The following TTC7B variants were observed in gnomAD, a reference collection of about 807,000 sequenced individuals.
TTC7B encodes tetratricopeptide repeat domain 7B.
A neutral mutation model predicts 106.8 loss-of-function variants in TTC7B; 28 were observed. That is an observed-to-expected ratio of 0.26 (90% confidence interval 0.19 to 0.36). The LOEUF (loss-of-function observed/expected upper bound fraction) is 0.36. TTC7B is among the 10% of genes least tolerant of loss of function. The pLI is 1.00. For missense variants in TTC7B, 862 were observed against 1,076.4 expected (o/e 0.80, Z 2.79); for synonymous variants, 405 against 430.6 (o/e 0.94, Z 0.74).
chr14:90,768,572 C>G (rs977889434), intron 3 of TTC7B, among the ~76,000 whole-genome samples: 3 of 152,154 alleles, frequency 2.0e-5, no homozygotes, highest in Non-Finnish European at 4.4e-5. Context: ...ACAGAGCAAA[C>G]CATATCAACC....
At chr14:90,683,617 A>G (rs1336364619) in intron 7 of TTC7B, among the ~76,000 whole-genome samples, 1 of 152,208 alleles carries the variant, frequency 6.6e-6, no homozygotes, top group Non-Finnish European at 1.5e-5. Context: ...GTCAATTCAT[A>G]TAGGTCAAAA....
At chr14:90,576,269 C>T (rs1039718914) in intron 19 of TTC7B, among the ~76,000 whole-genome samples, 29 of 151,990 alleles carry the variant, frequency 1.9e-4, no homozygotes, top group African/African-American at 6.3e-4. Flanking sequence ...TAGATGCTCT[C>T]AGCAAAAGCA....
intron 19 of TTC7B, among the ~76,000 whole-genome samples, chr14:90,547,037 A>T (rs994710042): frequency 6.6e-6 from 1 of 152,174 alleles, no homozygotes; most frequent in Non-Finnish European, 1.5e-5. Flanking sequence ...ATGCGCACAC[A>T]GACTTCCACC....
chr14:90,607,861 A>G (rs1892711343), intron 17 of TTC7B, among the ~76,000 whole-genome samples: 1 of 152,236 alleles, frequency 6.6e-6, no homozygotes, highest in Admixed American at 6.5e-5. Flanking sequence ...GGGGCAGAGG[A>G]AAGATACATA....
chr14:90,575,861 A>G lies in TTC7B; in HGVS notation c.2310+2245T>C, dbSNP rs1891243919. On this transcript the variant is annotated intron_variant, in intron 19 of 19. Coordinates refer to ENST00000328459, the MANE Select transcript of TTC7B (RefSeq NM_001010854.2). This position sits in a 1 kb window ranked among gnomAD's most constrained non-coding sequence, Gnocchi z 5.2. ...TCAGGATCCACGGAGAGAGGTTTTA[A>G]TAGTTTATTATGATGACCCCTCTCT... 1.3e-5 allele frequency among the ~76,000 whole-genome samples: 2 copies of G among 152,234 alleles called. No homozygotes were observed. Among genetic ancestry groups the G allele is most frequent in the South Asian group, 4.2e-4 (2 of 4,808 alleles).
At position 90,670,468 on chromosome 14, in the gene TTC7B, C is replaced by T. The variant is rs551077232; in HGVS notation, c.1152+6055G>A. On this transcript the variant is annotated intron_variant, in intron 9 of 19. Coordinates refer to ENST00000328459, the MANE Select transcript of TTC7B (RefSeq NM_001010854.2). ...ACATCGTGAATGTAATTAAATGCAA[C>T]GGAATTTTACACTTTAAAAAGGTTA... Among the ~76,000 whole-genome samples, 390 of 152,042 alleles carry T rather than the reference C, an allele frequency of 2.6e-3. 14 individuals carry two copies. In the South Asian group the frequency reaches 0.075, roughly 29 times the overall value.
intron 5 of TTC7B, among the ~76,000 whole-genome samples, chr14:90,726,589 C>T (rs990251226): frequency 6.6e-6 from 1 of 152,182 alleles, no homozygotes; most frequent in Admixed American, 6.5e-5. Context: ...CTTCCATGTG[C>T]ATATTTTTAT....
At chr14:90,758,287 G>T (rs926911345) in intron 3 of TTC7B, among the ~76,000 whole-genome samples, 1 of 149,980 alleles carries the variant, frequency 6.7e-6, no homozygotes, top group African/African-American at 2.5e-5. Flanking sequence ...GTCCTGCGGC[G>T]GCACCTGCGC....
intron 9 of TTC7B, among the ~76,000 whole-genome samples, chr14:90,664,046 T>C (rs1307481582): frequency 6.6e-6 from 1 of 152,048 alleles, no homozygotes; most frequent in Admixed American, 6.5e-5. Context: ...GGAGACTCCC[T>C]GCCAAAAAAA....
At chr14:90,620,630 G>T (rs1266645250) in intron 15 of TTC7B, among the ~76,000 whole-genome samples, 1 of 152,138 alleles carries the variant, frequency 6.6e-6, no homozygotes, top group Non-Finnish European at 1.5e-5. Context: ...GCTCTCTGGG[G>T]GCCATGCCAA....
At chr14:90,692,890 A>T (rs945828116) in intron 6 of TTC7B, among the ~76,000 whole-genome samples, 1 of 151,048 alleles carries the variant, frequency 6.6e-6, no homozygotes, top group Non-Finnish European at 1.5e-5. Flanking sequence ...TTGAAGGCCA[A>T]CTGAGCTCTT....
chr14:90,767,318 C>A (rs972723097), intron 3 of TTC7B, among the ~76,000 whole-genome samples: 6 of 152,134 alleles, frequency 3.9e-5, no homozygotes, highest in Non-Finnish European at 8.8e-5. Context: ...CAGGCAGTAA[C>A]CTTGAAGACA....
At chr14:90,702,733 A>G (rs879288296) in intron 5 of TTC7B, among the ~76,000 whole-genome samples, 5 of 152,192 alleles carry the variant, frequency 3.3e-5, no homozygotes, top group Admixed American at 6.5e-5. Context: ...CTGGCTCACA[A>G]TGACAAAAGA....
chr14:90,669,586 G>A (rs900760275), intron 9 of TTC7B, among the ~76,000 whole-genome samples: 16 of 150,026 alleles, frequency 1.1e-4, no homozygotes, highest in African/African-American at 3.9e-4. Context: ...GCTGACCAGA[G>A]TTTATTATTT....
intron 3 of TTC7B, chr14:90,766,837 C>T (rs1334337927): frequency 1.9e-6 from 3 of 1,595,756 alleles, no homozygotes; most frequent in Non-Finnish European, 2.6e-6. Flanking sequence ...AGCCAATGGT[C>T]TGGACAACAA....
At chr14:90,799,107 C>T (rs1397338449) in intron 1 of TTC7B, among the ~76,000 whole-genome samples, 1 of 152,110 alleles carries the variant, frequency 6.6e-6, no homozygotes, top group East Asian at 1.9e-4. Flanking sequence ...TCTCCCTGGG[C>T]CTCCAGCCTC....
At position 90,529,754 on chromosome 14, in the gene TTC7B, T is replaced by C. The variant is rs193193515; in HGVS notation, c.*11614A>G. On this transcript the variant is annotated 3_prime_UTR_variant, in exon 20 of 20. Coordinates refer to ENST00000328459, the MANE Select transcript of TTC7B (RefSeq NM_001010854.2). The stretch of plus-strand genomic sequence containing the variant: ...TTGGTGCATAATAAATGCTCAATAA[T>C]TGTGAGCTGGCATTACCCATTCCAT... 1 of 152,344 alleles carries C rather than the reference T, an allele frequency of 6.6e-6. No individual in the cohort carries two copies. Among genetic ancestry groups the C allele is most frequent in the African/African-American group, 2.4e-5 (1 of 41,584 alleles). 9.4% of individuals were successfully genotyped at this position (152,344 alleles called of 1,614,324 possible).
At chr14:90,741,516 G>A (rs902711006) in intron 4 of TTC7B, among the ~76,000 whole-genome samples, 9 of 152,292 alleles carry the variant, frequency 5.9e-5, no homozygotes, top group South Asian at 2.1e-4. Context: ...CAGGAACAGC[G>A]TGTGTGATTT....
At position 90,570,777 on chromosome 14, in the gene TTC7B, G is replaced by A. The variant is rs11849546; in HGVS notation, c.2310+7329C>T. Among the ~76,000 whole-genome samples the A allele has an allele frequency of 0.015, 2,316 of 152,324 alleles. 66 individuals are homozygous for A. Among genetic ancestry groups the A allele is most frequent in the African/African-American group, 0.053 (2,194 of 41,558 alleles). On this transcript the variant is annotated intron_variant, in intron 19 of 19. Coordinates refer to ENST00000328459, the MANE Select transcript of TTC7B (RefSeq NM_001010854.2). This position sits in a 1 kb window ranked among gnomAD's most constrained non-coding sequence, Gnocchi z 4.0. ...GACACTCAGAGCTGATATTTGCGGA[G>A]TGTGAGGCACCCTGCTAACTCATTT...
Sources: allele counts gnomAD v4.1 joint callset (sites outside exome capture counted in the v4.1 genomes callset), GRCh38; gene constraint gnomAD v4.1.1; non-coding constraint Gnocchi (gnomAD v3.1); transcripts MANE v1.5; gene names NCBI Gene and HGNC (gene_info 2026-07-23, HGNC 2026-07-21).